Variants in LNX1 observed in about 807,000 individuals in gnomAD.
The protein encoded by LNX1 is E3 ubiquitin-protein ligase LNX.
Under a neutral mutation model 68.4 loss-of-function variants are expected in LNX1, and 54 were observed. That is an observed-to-expected ratio of 0.79 (90% CI 0.63 to 0.99). The LOEUF (loss-of-function observed/expected upper bound fraction) is 0.99. Among genes scored for constraint, LNX1 ranks in the 50% least tolerant of loss-of-function variants. The pLI is 0.00. For synonymous variants in LNX1, 336 were observed against 350.0 expected (o/e 0.96, Z 0.45); for missense variants, 906 against 926.4 (o/e 0.98, Z 0.29).
intron 3 of LNX1, 147 bp downstream of exon 3, chr4:53,507,839 T>C (rs1162761888): frequency 4.8e-6 from 5 of 1,042,578 alleles, no homozygotes; most frequent in Non-Finnish European, 6.8e-6. Context: ...CATTTCACTT[T>C]GGCGAATTGG....
intron 2 of LNX1, among the ~76,000 whole-genome samples, chr4:53,543,365 A>G (rs1183263537): frequency 2.0e-5 from 3 of 152,226 alleles, no homozygotes; most frequent in African/African-American, 7.2e-5. Context: ...ATATAAGTTT[A>G]CTGCAGAATC....
chr4:53,558,455 G>A (rs1730078419), intron 2 of LNX1, among the ~76,000 whole-genome samples: 1 of 152,184 alleles, frequency 6.6e-6, no homozygotes, highest in East Asian at 1.9e-4. Flanking sequence ...TCCCATCTTT[G>A]GAGCAGCCTG....
chr4:53,577,039 C>A (rs1007012974), intron 1 of LNX1, among the ~76,000 whole-genome samples: 4 of 152,112 alleles, frequency 2.6e-5, no homozygotes, highest in African/African-American at 9.7e-5. Flanking sequence ...CAGATAGGAC[C>A]ACAGAAGGCA....
intron 2 of LNX1, among the ~76,000 whole-genome samples, chr4:53,518,466 A>G (rs1726960260): frequency 6.6e-6 from 1 of 152,188 alleles, no homozygotes; most frequent in Admixed American, 6.5e-5. Flanking sequence ...CTGTGGCTGC[A>G]TCTTTTTATC....
At chr4:53,652,016 T>TGAGA (rs1347255678) in intron 1 of LNX1, among the ~76,000 whole-genome samples, 4 of 116,000 alleles carry the variant, frequency 3.4e-5, no homozygotes, top group African/African-American at 1.7e-4. Flanking sequence ...TTGATGTGTG[T>TGAGA]GTGTGAGAGA....
At chr4:53,550,805 A>G (rs1013329930) in intron 2 of LNX1, among the ~76,000 whole-genome samples, 1 of 152,164 alleles carries the variant, frequency 6.6e-6, no homozygotes, top group Non-Finnish European at 1.5e-5. Context: ...AGGCAGGAAA[A>G]GGAGCTACTA....
intron 2 of LNX1, chr4:53,557,738 G>C: frequency 2.0e-6 from 2 of 976,516 alleles, no homozygotes; most frequent in Non-Finnish European, 2.9e-6. Context: ...TTAAACTGCT[G>C]GCAGGGTGCT....
intron 9 of LNX1, among the ~76,000 whole-genome samples, chr4:53,470,530 G>C (rs570714293): frequency 6.6e-6 from 1 of 152,152 alleles, no homozygotes. Flanking sequence ...CATTCAATTA[G>C]GAAAAGAGGA....
At chr4:53,576,145 C>CA in intron 1 of LNX1, 1 of 1,564,548 alleles carries the variant, frequency 6.4e-7, no homozygotes, top group East Asian at 2.4e-5. Context: ...GGCCCAGCAG[C>CA]AGGGGGCCTG....
intron 8 of LNX1, among the ~76,000 whole-genome samples, chr4:53,477,226 G>A (rs557723085): frequency 2.0e-3 from 300 of 152,306 alleles, no homozygotes; most frequent in Non-Finnish European, 3.0e-3. Context: ...CAAGAATACC[G>A]CTGAAGGAAG....
At chr4:53,605,493 T>G (rs943970958) in intron 2 of LNX1, among the ~76,000 whole-genome samples, 5 of 152,152 alleles carry the variant, frequency 3.3e-5, no homozygotes, top group African/African-American at 1.2e-4. Context: ...CAATACAATA[T>G]TTGTAACTAT....
At chr4:53,557,271 C>G (rs564974580) in intron 2 of LNX1, among the ~76,000 whole-genome samples, 1 of 152,014 alleles carries the variant, frequency 6.6e-6, no homozygotes, top group East Asian at 1.9e-4. Context: ...ACCATTGCAG[C>G]AAGAAATATA....
intron 4 of LNX1, among the ~76,000 whole-genome samples, chr4:53,505,265 CTTT>C (rs556353878): frequency 6.8e-6 from 1 of 147,568 alleles, no homozygotes; most frequent in Non-Finnish European, 1.5e-5. Context: ...TTCAAGATAA[CTTT>C]TTTTTTTTTT....
At chr4:53,570,215 G>T (rs1216211554) in intron 2 of LNX1, among the ~76,000 whole-genome samples, 1 of 145,200 alleles carries the variant, frequency 6.9e-6, no homozygotes, top group Non-Finnish European at 1.5e-5. Flanking sequence ...ACATGCACAC[G>T]TATGTTTATT....
At chr4:53,620,517 G>A (rs1733829449), upstream of LNX1, among the ~76,000 whole-genome samples, 1 of 152,150 alleles carries the variant, frequency 6.6e-6, no homozygotes, top group South Asian at 2.1e-4. Context: ...AGTGTTAGGT[G>A]TTGGGTGCAT....
At chr4:53,601,867 A>G (rs1733031451) in intron 2 of LNX1, among the ~76,000 whole-genome samples, 1 of 152,044 alleles carries the variant, frequency 6.6e-6, no homozygotes, top group South Asian at 2.1e-4. Context: ...CTCAAAGTCA[A>G]ACTCTCCAAA....
chr4:53,616,046 C>T (rs1366702841), intron 2 of LNX1, among the ~76,000 whole-genome samples: 5 of 152,184 alleles, frequency 3.3e-5, no homozygotes, highest in Non-Finnish European at 5.9e-5. Flanking sequence ...TGCTCCTCAC[C>T]ACCCCCGTCC....
At chr4:53,567,391 GAC>G (rs1369763775) in intron 2 of LNX1, among the ~76,000 whole-genome samples, 1 of 150,140 alleles carries the variant, frequency 6.7e-6, no homozygotes, top group African/African-American at 2.4e-5. Context: ...GCTCCTGAAT[GAC>G]TACTGGGTAC....
At chr4:53,631,439 G>A (rs1433656153) in intron 1 of LNX1, among the ~76,000 whole-genome samples, 1 of 152,154 alleles carries the variant, frequency 6.6e-6, no homozygotes, top group Non-Finnish European at 1.5e-5. Flanking sequence ...GATAGGAAAT[G>A]TGACCAAGTT....
Sources: gnomAD v4.1 joint callset for allele counts (sites outside exome capture counted in the v4.1 genomes callset) on GRCh38, gnomAD v4.1.1 for gene constraint, MANE v1.5 for transcripts, NCBI Gene and HGNC (gene_info 2026-07-23, HGNC 2026-07-21) for gene names.